Variants in KIAA1614 observed in about 807,000 individuals in gnomAD.
KIAA1614 encodes uncharacterized protein KIAA1614.
KIAA1614 carries 76 observed loss-of-function variants against 88.7 expected under a neutral mutation model. The ratio of observed to expected loss-of-function variants is 0.86; its 90% CI spans 0.71 to 1.04. The LOEUF (loss-of-function observed/expected upper bound fraction) is 1.04, where lower values mean the gene tolerates loss of function less well. Ranked by LOEUF, KIAA1614 falls within the 50% of genes least tolerant of loss-of-function variation. The pLI is 0.00. For synonymous variants in KIAA1614, 714 were observed against 675.5 expected (o/e 1.06, Z -0.88); for missense variants, 1,553 against 1,582.5 (o/e 0.98, Z 0.32).
chr1:180,919,072 A>C (rs1653888722), intron 3 of KIAA1614, among the ~76,000 whole-genome samples: 1 of 151,478 alleles, frequency 6.6e-6, no homozygotes, highest in Admixed American at 6.6e-5. Flanking sequence ...TGACCTACTT[A>C]CCTCCCAAAG....
Position 180,916,674 on chromosome 1 carries a change from G to T in KIAA1614, c.571G>T (p.Glu191Ter). The T allele has an allele frequency of 1.9e-6, 3 of 1,603,878 alleles. No homozygotes were observed. The highest frequency in any genetic ancestry group is 1.3e-5 in the African/African-American group (1 of 74,798). ...NRGSPWPPEA[E>*]WTLPDHDRGP... The stretch of plus-strand genomic sequence containing the variant: ...GGGGAGCCCGTGGCCTCCAGAAGCC[G>T]AATGGACACTTCCTGACCATGACAG... The change falls in exon 2 of 9, where the codon GAA becomes TAA. Residue 191 changes from glutamate (E) to a stop codon, truncating the protein, a stop_gained. Coordinates refer to ENST00000367588, the MANE Select transcript of KIAA1614 (RefSeq NM_020950.2). LOFTEE classifies it high-confidence loss of function.
In KIAA1614 at chr1:180,935,543, A is replaced by G; in HGVS notation, c.1634A>G (p.Asp545Gly). Residue 545 changes from aspartate (D) to glycine (G), a missense_variant, in exon 5 of 9, where the codon GAC becomes GGC. Transcript: ENST00000367588. This position sits in a 1 kb window ranked among gnomAD's most constrained non-coding sequence, Gnocchi z 6.1. Reference sequence around the variant, plus strand: ...CAGGCCTGCGGCAGCTGCATCGACGACCCGCGCCCCGCCCAGGGGAAGGCG... The same window carrying G: ...CAGGCCTGCGGCAGCTGCATCGACGGCCCGCGCCCCGCCCAGGGGAAGGCG... ...RCQACGSCID[D>G]PRPAQGKAPP... The G allele has an allele frequency of 6.3e-7, 1 of 1,580,666 alleles. No homozygotes were observed. Among genetic ancestry groups the G allele is most frequent in the Non-Finnish European group, 8.6e-7 (1 of 1,165,150 alleles).
Position 180,945,677 on chromosome 1 carries a change from C to G in KIAA1614, c.*89C>G. The stretch of plus-strand genomic sequence containing the variant: ...CTCTTTCTGAATTGTCCAGGGCTCT[C>G]TAGGAGTCTGCACCTGCAGAGCCTT... On this transcript the variant is annotated 3_prime_UTR_variant, in exon 9 of 9. Transcript: ENST00000367588. The G allele has an allele frequency of 6.9e-7, 1 of 1,452,202 alleles. No individual in the cohort carries two copies. Among genetic ancestry groups the G allele is most frequent in the Non-Finnish European group, 9.0e-7 (1 of 1,111,520 alleles). 90.0% of individuals were successfully genotyped at this position (1,452,202 alleles called of 1,614,324 possible).
At chr1:180,933,086 T>TG (rs1264495499) in intron 4 of KIAA1614, among the ~76,000 whole-genome samples, 1 of 152,122 alleles carries the variant, frequency 6.6e-6, no homozygotes, top group South Asian at 2.1e-4. Flanking sequence ...GCAGTGCTTA[T>TG]GGGGGGAAAT....
chr1:180,941,913 A>T (rs1343575688), intron 7 of KIAA1614, among the ~76,000 whole-genome samples: 1 of 152,116 alleles, frequency 6.6e-6, no homozygotes, highest in African/African-American at 2.4e-5. Context: ...TCTGTCGATC[A>T]CACACAGTCT....
chr1:180,916,949 G>A lies in KIAA1614; in HGVS notation c.846G>A (p.Glu282=). The A allele has an allele frequency of 6.2e-7, 1 of 1,614,240 alleles. No homozygotes were observed. Among genetic ancestry groups the A allele is most frequent in the South Asian group, 1.1e-5 (1 of 91,084 alleles). ...AGCGCTGGAGAGCTGGAGACCTGGA[G>A]GCTCTGGGCGCTGGGAGCAGTGTCT... The part of the protein sequence containing the change: ...LGERWRAGDL[E]ALGAGSSVLS... Residue 282 remains glutamate (E), a synonymous_variant, in exon 2 of 9, where the codon GAG becomes GAA. Coordinates refer to ENST00000367588, the MANE Select transcript of KIAA1614 (RefSeq NM_020950.2).
chr1:180,916,135 T>C lies in KIAA1614; in HGVS notation c.51-19T>C. On this transcript the variant is annotated intron_variant, in intron 1 of 8. Transcript: ENST00000367588. The stretch of plus-strand genomic sequence containing the variant: ...GTCCTGTGCTGGGTCTTAGGAACTC[T>C]GTCTGTTTTCTCCTCCAGAGGGCCC... The C allele has an allele frequency of 6.5e-7, 1 of 1,526,896 alleles. No homozygotes were observed. Among genetic ancestry groups the C allele is most frequent in the Non-Finnish European group, 8.8e-7 (1 of 1,138,266 alleles). The allele number at this position is 1,526,896 out of a possible 1,614,324, so 94.6% of individuals were successfully genotyped here.
At chr1:180,917,595 G>C (rs763061330) in intron 2 of KIAA1614, among the ~76,000 whole-genome samples, 1 of 152,004 alleles carries the variant, frequency 6.6e-6, no homozygotes, top group Non-Finnish European at 1.5e-5. Flanking sequence ...TTCCCCTCCC[G>C]CCTTCTCATT....
intron 5 of KIAA1614, among the ~76,000 whole-genome samples, chr1:180,937,792 G>GTCCC (rs1343482066): frequency 6.6e-6 from 1 of 152,172 alleles, no homozygotes; most frequent in Non-Finnish European, 1.5e-5. Context: ...TCCCCCTGGG[G>GTCCC]TCCCTCCCAC....
chr1:180,944,302 G>A lies in KIAA1614; in HGVS notation c.3160-87G>A, dbSNP rs1412363777. 3.0e-6 allele frequency: 4 copies of A among 1,349,980 alleles called. No homozygotes were observed. In the East Asian group the frequency reaches 9.6e-5, roughly 32 times the overall value. The allele number at this position is 1,349,980 out of a possible 1,614,324, so 83.6% of individuals were successfully genotyped here. On this transcript the variant is annotated intron_variant, in intron 7 of 8. Transcript: ENST00000367588. ...GCTTGTGCTGTCACTTTCTTACAGG[G>A]CCCTCAGGTTCATGGTGGGGCCAAG... is the stretch of plus-strand genomic sequence containing the variant.
At chr1:180,922,855 G>A (rs898513921) in intron 3 of KIAA1614, among the ~76,000 whole-genome samples, 10 of 152,130 alleles carry the variant, frequency 6.6e-5, no homozygotes, top group Non-Finnish European at 5.9e-5. Context: ...CAGGTTGAGG[G>A]CTCAGTTCCA....
Position 180,950,562 on chromosome 1 carries a change from C to T in KIAA1614, c.*4974C>T, listed in dbSNP as rs564382977. The T allele has an allele frequency of 6.0e-4, 644 of 1,075,198 alleles. 7 individuals carry two copies. In the South Asian group the frequency reaches 0.011, roughly 18 times the overall value. The allele number at this position is 1,075,198 out of a possible 1,614,324, so 66.6% of individuals were successfully genotyped here. ...AGAAGTGCCGCTGCCCTCACTGTCACGGCCTCGGAAGCCCTGAAGCACTCA... is the reference window on the plus strand; with the variant it reads ...AGAAGTGCCGCTGCCCTCACTGTCATGGCCTCGGAAGCCCTGAAGCACTCA... On this transcript the variant is annotated 3_prime_UTR_variant, in exon 9 of 9. Transcript: ENST00000367588.
rs751204325 is a variant in KIAA1614 at position 180,916,245 on chromosome 1, C to T, written c.142C>T (p.His48Tyr). Residue 48 changes from histidine to tyrosine, a missense_variant, in exon 2 of 9, where the codon CAC becomes TAC. Physicochemically the swap from His to Tyr is moderately conservative, Grantham distance 83. Transcript: ENST00000367588. ...TCCTGAGCCACAGCTGGATAACGGA[C>T]ACCCCCCAAGACCCTGGCCTTGCCC... ...SGPEPQLDNG[H>Y]PPRPWPCPQE... is the part of the protein sequence containing the mutation. 3.1e-6 allele frequency: 5 copies of T among 1,613,486 alleles called. No individual in the cohort carries two copies. The South Asian group carries it at 4.4e-5, about 14-fold the overall frequency.
chr1:180,922,930 C>T (rs1653987505), intron 3 of KIAA1614, among the ~76,000 whole-genome samples: 1 of 152,232 alleles, frequency 6.6e-6, no homozygotes, highest in South Asian at 2.1e-4. Flanking sequence ...TTCGGACCAA[C>T]CAGCTATAAA....
At chr1:180,933,619 A>C (rs1197505541) in intron 4 of KIAA1614, among the ~76,000 whole-genome samples, 1 of 152,208 alleles carries the variant, frequency 6.6e-6, no homozygotes, top group Non-Finnish European at 1.5e-5. Flanking sequence ...GTCCATTTGC[A>C]TAGTGGCCTG....
Position 180,936,403 on chromosome 1 carries a change from AG to A in KIAA1614, c.2496del (p.Arg832SerfsTer169). The part of the protein sequence containing the change: ...HRKAALAGLL[R>X]LGDQTEPVGI... The stretch of plus-strand genomic sequence containing the variant: ...GAAGGCAGCCCTGGCTGGACTGCTC[AG>A]GCTGGGTGACCAGACAGAGCCTGTG... On this transcript the variant is annotated frameshift_variant, in exon 5 of 9. Transcript: ENST00000367588. LOFTEE classifies it high-confidence loss of function. The A allele has an allele frequency of 6.2e-7, 1 of 1,614,214 alleles. No individual in the cohort carries two copies. Among genetic ancestry groups the A allele is most frequent in the South Asian group, 1.1e-5 (1 of 91,084 alleles).
At chr1:180,942,939 C>T (rs189367536) in intron 7 of KIAA1614, among the ~76,000 whole-genome samples, 386 of 152,252 alleles carry the variant, frequency 2.5e-3, no homozygotes, top group Non-Finnish European at 3.7e-3. Flanking sequence ...AAGAATCTGT[C>T]TCCCCTGCAG....
chr1:180,942,165 G>C (rs1654483692), intron 7 of KIAA1614, among the ~76,000 whole-genome samples: 1 of 151,640 alleles, frequency 6.6e-6, no homozygotes, highest in African/African-American at 2.4e-5. Flanking sequence ...GCCCTCACTG[G>C]AGTGTGAGTT....
At position 180,935,455 on chromosome 1, in the gene KIAA1614, G is replaced by A; in HGVS notation, c.1546G>A (p.Val516Met). Reference protein sequence around the residue: ...DAGQGTFHRLVGSLDRRGHPA... With the variant: ...DAGQGTFHRLMGSLDRRGHPA... ...GGGGCAGGGGACATTCCACAGGCTT[G>A]TGGGCAGCCTGGACCGCAGGGGACA... Residue 516 changes from valine to methionine, a missense_variant, in exon 5 of 9, where the codon GTG becomes ATG. Coordinates refer to ENST00000367588, the MANE Select transcript of KIAA1614 (RefSeq NM_020950.2). This position sits in a 1 kb window ranked among gnomAD's most constrained non-coding sequence, Gnocchi z 6.1. 4 of 1,469,802 alleles carry A rather than the reference G, an allele frequency of 2.7e-6. No homozygotes were observed. Among genetic ancestry groups the A allele is most frequent in the Non-Finnish European group, 3.6e-6 (4 of 1,117,290 alleles). The allele number at this position is 1,469,802 out of a possible 1,614,324, so 91.0% of individuals were successfully genotyped here.
Sources: gnomAD v4.1 joint callset for allele counts (sites outside exome capture counted in the v4.1 genomes callset) on GRCh38, gnomAD v4.1.1 for gene constraint, Gnocchi (gnomAD v3.1) non-coding constraint, MANE v1.5 for transcripts, NCBI Gene and HGNC (gene_info 2026-07-23, HGNC 2026-07-21) for gene names.